Variants in CPNE5 observed in about 807,000 individuals in gnomAD.
CPNE5 encodes copine-5.
In CPNE5, 42 loss-of-function variants were observed where a neutral mutation model predicts 81.1. The observed-to-expected ratio is 0.52, with a 90% CI of 0.40 to 0.67. The LOEUF (loss-of-function observed/expected upper bound fraction) is 0.67, where lower values mean the gene tolerates loss of function less well. Ranked by LOEUF, CPNE5 falls within the 30% of genes least tolerant of loss-of-function variation. CPNE5 has a pLI of 0.00. For synonymous variants in CPNE5, 313 were observed against 321.5 expected (o/e 0.97, Z 0.28); for missense variants, 612 against 815.5 (o/e 0.75, Z 3.04).
chr6:36,744,375 A>G, intron 18 of CPNE5, 50 bp from the exon 19 acceptor site: 1 of 1,455,274 alleles, frequency 6.9e-7, no homozygotes, highest in Non-Finnish European at 9.5e-7. Flanking sequence ...ATTGGGACCC[A>G]GTTAAAAGGA....
At chr6:36,772,650 G>A (rs1767139784) in intron 10 of CPNE5, among the ~76,000 whole-genome samples, 1 of 152,224 alleles carries the variant, frequency 6.6e-6, no homozygotes, top group Non-Finnish European at 1.5e-5. Flanking sequence ...GGAACAGACT[G>A]TGGCTCTTCT....
chr6:36,745,155 G>A lies in CPNE5; in HGVS notation c.1329-5C>T, dbSNP rs370765797. 4.3e-6 allele frequency: 7 copies of A among 1,610,882 alleles called. No homozygotes were observed. The African/African-American group carries it at 6.7e-5, about 15-fold the overall frequency. On this transcript the variant is annotated splice_region_variant and splice_polypyrimidine_tract_variant and intron_variant, in intron 17 of 20. Transcript: ENST00000244751. ...TCCTGCACGGCCGCTGCATTCCTGG[G>A]TGGGGCAGGTGTGGGCTCAGGTCTG...
chr6:36,828,308 CA>C (rs11444450), intron 1 of CPNE5, among the ~76,000 whole-genome samples: 3,699 of 78,580 alleles, frequency 0.047, 123 homozygotes, highest in African/African-American at 0.16. Flanking sequence ...AACAACAAAC[CA>C]AAAAAAAAAA....
At position 36,827,539 on chromosome 6, in the gene CPNE5, C is replaced by T; in HGVS notation, c.96-4441G>A. On this transcript the variant is annotated intron_variant, in intron 1 of 20. Transcript: ENST00000244751. The stretch of plus-strand genomic sequence containing the variant: ...TCTGATGGCAGCCGTCCAAATACCA[C>T]ATGTTGAGACACCGTCTCTTAGGGC... 5.1e-6 allele frequency: 5 copies of T among 985,434 alleles called. 1 individual carries two copies. The highest frequency in any genetic ancestry group is 6.0e-6 in the Non-Finnish European group (5 of 829,938). 61.0% of individuals were successfully genotyped at this position (985,434 alleles called of 1,614,324 possible). A position where few individuals can be genotyped will look rare whatever the true frequency, so the allele number is the denominator to read the frequency against.
chr6:36,757,402 T>C, intron 12 of CPNE5: 1 of 982,004 alleles, frequency 1.0e-6, no homozygotes, highest in African/African-American at 1.7e-5. Context: ...AGTATTGCTA[T>C]CTACTTCCAG....
chr6:36,781,080 G>T (rs946013972), intron 8 of CPNE5, among the ~76,000 whole-genome samples: 5 of 152,198 alleles, frequency 3.3e-5, no homozygotes, highest in Non-Finnish European at 7.4e-5. Flanking sequence ...GCTTGCCTGG[G>T]CAGGGAGGGG....
intron 1 of CPNE5, chr6:36,827,319 ACCTCCTACCTTGGCTTTG>A (rs1772585556): frequency 6.1e-6 from 6 of 985,112 alleles, no homozygotes; most frequent in Non-Finnish European, 6.0e-6. Context: ...AGCCTGCTAA[ACCTCCTACCTTGGCTTTG>A]GACGGGTGGC....
chr6:36,742,052 C>T lies in CPNE5; in HGVS notation c.*216G>A, dbSNP rs1196846162. 1 of 552,594 alleles carries T rather than the reference C, an allele frequency of 1.8e-6. No homozygotes were observed. The highest frequency in any genetic ancestry group is 2.5e-5 in the South Asian group (1 of 39,748). 34.2% of individuals were successfully genotyped at this position (552,594 alleles called of 1,614,324 possible). On this transcript the variant is annotated 3_prime_UTR_variant, in exon 21 of 21. Transcript: ENST00000244751. ...GAGAAGGGCTGGGTCCCTGTGTACC[C>T]CTCTTTCACCCGTACCCCCCTAACT...
intron 18 of CPNE5, among the ~76,000 whole-genome samples, chr6:36,744,721 G>T (rs1276195908): frequency 2.0e-5 from 3 of 152,204 alleles, no homozygotes; most frequent in Non-Finnish European, 2.9e-5. Flanking sequence ...CCTAGAGATG[G>T]GTTAATGAGG....
rs747938502 is a variant in CPNE5 at position 36,798,494 on chromosome 6, T to C, written c.288A>G (p.Leu96=). ...CAGGACTCTTAGAGTCAACGTCGTA[T>C]CTGCAGGGAACACAGAGAAACGATG... ...FEEKQNLRFD[L]YDVDSKSPDL... Residue 96 remains leucine (L), a splice_region_variant and synonymous_variant, in exon 5 of 21, where the codon CTA becomes CTG. Transcript: ENST00000244751. The C allele has an allele frequency of 6.2e-7, 1 of 1,614,078 alleles. No homozygotes were observed. Among genetic ancestry groups the C allele is most frequent in the South Asian group, 1.1e-5 (1 of 91,074 alleles).
intron 3 of CPNE5, among the ~76,000 whole-genome samples, chr6:36,803,654 ATG>A (rs1315688514): frequency 1.3e-5 from 2 of 152,144 alleles, no homozygotes; most frequent in African/African-American, 4.8e-5. Context: ...GATCACCTAT[ATG>A]TGTGTGTTGT....
chr6:36,766,977 C>T lies in CPNE5; in HGVS notation c.738-1601G>A, dbSNP rs1766615615. ...TCAACTGATTCTCCTGCCTCACCCT[C>T]CCAAGTGTCTGGGATTACAGGCATG... On this transcript the variant is annotated intron_variant, in intron 10 of 20. Transcript: ENST00000244751. The surrounding 1 kb of genome is among the most constrained non-coding windows in gnomAD (Gnocchi z 4.2). Among the ~76,000 whole-genome samples the T allele has an allele frequency of 6.6e-6, 1 of 152,224 alleles. No individual in the cohort carries two copies. The highest frequency in any genetic ancestry group is 2.1e-4 in the South Asian group (1 of 4,830).
intron 9 of CPNE5, among the ~76,000 whole-genome samples, chr6:36,777,728 C>A (rs916399494): frequency 3.5e-5 from 5 of 143,968 alleles, no homozygotes; most frequent in Non-Finnish European, 6.1e-5. Context: ...CTGAAACACA[C>A]CTCCTCCTCG....
chr6:36,762,364 A>G (rs2150411984), intron 12 of CPNE5, among the ~76,000 whole-genome samples: 1 of 152,140 alleles, frequency 6.6e-6, no homozygotes, highest in African/African-American at 2.4e-5. Context: ...ACACACACAC[A>G]CATGCAGACA....
At chr6:36,820,064 C>G (rs1771906043) in intron 3 of CPNE5, among the ~76,000 whole-genome samples, 1 of 152,234 alleles carries the variant, frequency 6.6e-6, no homozygotes, top group South Asian at 2.1e-4. Flanking sequence ...CCCTGACCTC[C>G]TGGACTTCAA....
chr6:36,815,602 G>A (rs554097360), intron 3 of CPNE5, among the ~76,000 whole-genome samples: 1 of 152,316 alleles, frequency 6.6e-6, no homozygotes, highest in Non-Finnish European at 1.5e-5. Context: ...ATAAATTTCT[G>A]TTGGTTATAA....
At chr6:36,782,169 C>T (rs760009340) in intron 8 of CPNE5, among the ~76,000 whole-genome samples, 11 of 152,158 alleles carry the variant, frequency 7.2e-5, no homozygotes, top group Non-Finnish European at 1.3e-4. Context: ...CCTTCCCAGC[C>T]CTGGCCAGGG....
intron 2 of CPNE5, among the ~76,000 whole-genome samples, chr6:36,822,684 T>A (rs1583019469): frequency 6.6e-6 from 1 of 152,108 alleles, no homozygotes; most frequent in East Asian, 1.9e-4. Flanking sequence ...CAAAGACCCA[T>A]CCAGGTCACA....
chr6:36,792,906 G>T (rs1429164860), intron 7 of CPNE5, among the ~76,000 whole-genome samples: 1 of 152,156 alleles, frequency 6.6e-6, no homozygotes, highest in Non-Finnish European at 1.5e-5. Flanking sequence ...GCCACTGGGA[G>T]GGAGAGGAAA....
Sources: gnomAD v4.1 joint callset for allele counts (sites outside exome capture counted in the v4.1 genomes callset) on GRCh38, gnomAD v4.1.1 for gene constraint, Gnocchi (gnomAD v3.1) non-coding constraint, MANE v1.5 for transcripts, NCBI Gene and HGNC (gene_info 2026-07-23, HGNC 2026-07-21) for gene names.